FAM167A: variants seen among roughly 807,000 people sequenced by gnomAD.
The protein encoded by FAM167A is family with sequence similarity 167 member A, also known as protein FAM167A.
In FAM167A, 23 loss-of-function variants were observed where a neutral mutation model predicts 14.9. The observed-to-expected ratio is 1.55, with a 90% CI of 1.11 to 2.19. FAM167A has a LOEUF of 2.19. FAM167A is among the 30% of genes most tolerant of loss of function. The pLI is 0.00. For synonymous variants in FAM167A, 174 were observed against 117.7 expected, an observed-to-expected ratio of 1.48 and a Z score of -3.10; for missense variants, 401 against 281.5, an observed-to-expected ratio of 1.42 and a Z score of -3.04.
rs1481123732 is a variant in FAM167A at position 11,422,309 on chromosome 8, G to C, written c.*2064C>G. On this transcript the variant is annotated 3_prime_UTR_variant, in exon 3 of 3. Coordinates refer to ENST00000284486, the MANE Select transcript of FAM167A (RefSeq NM_053279.3). ...TTGGCATTTTTTCAGAATATGGGAT[G>C]GGCTTTCCTGCATGGGTTCAAGGAT... 6.5e-6 allele frequency: 1 copy of C among 152,860 alleles called. No homozygotes were observed. The highest frequency in any genetic ancestry group is 1.5e-5 in the Non-Finnish European group (1 of 68,294). The allele number at this position is 152,860 out of a possible 1,614,324, so 9.5% of individuals were successfully genotyped here. A position where few individuals can be genotyped will look rare whatever the true frequency, so the allele number is the denominator to read the frequency against.
At chr8:11,449,255 C>G (rs2409774) in intron 1 of FAM167A, among the ~76,000 whole-genome samples, 77,514 of 152,160 alleles carry the variant, frequency 0.51, 20,437 homozygotes, top group East Asian at 0.66. Flanking sequence ...CACAGGAGCT[C>G]AGCTGGAATG....
At chr8:11,448,565 C>G (rs1271403931) in intron 1 of FAM167A, among the ~76,000 whole-genome samples, 2 of 152,222 alleles carry the variant, frequency 1.3e-5, no homozygotes, top group South Asian at 2.1e-4. Flanking sequence ...ATCCCTGCCC[C>G]CTCACATCCT....
rs548491578 is a variant in FAM167A at position 11,436,260 on chromosome 8, C to A, written c.381+7771G>T. On this transcript the variant is annotated intron_variant, in intron 2 of 2. Transcript: ENST00000284486. Reference sequence around the variant, plus strand: ...CCCTCCCACTCAGGGGTGTCCTTAGCTTGCACATGAGGAGGGCCAGGCCCG... The same window carrying A: ...CCCTCCCACTCAGGGGTGTCCTTAGATTGCACATGAGGAGGGCCAGGCCCG... Among the ~76,000 whole-genome samples, 8 of 152,310 alleles carry A rather than the reference C, an allele frequency of 5.3e-5. No individual in the cohort carries two copies. The South Asian group carries it at 1.7e-3, about 32-fold the overall frequency.
In FAM167A at chr8:11,423,412, T is replaced by C. The variant is rs1426694073; in HGVS notation, c.*961A>G. On this transcript the variant is annotated 3_prime_UTR_variant, in exon 3 of 3. Transcript: ENST00000284486. The stretch of plus-strand genomic sequence containing the variant: ...GTAACAGTCTTATTAAAACTAGTTG[T>C]TTAGGTCAGGCACAAAATCTCAGAG... The C allele has an allele frequency of 2.0e-5, 3 of 152,590 alleles. No homozygotes were observed. The highest frequency in any genetic ancestry group is 4.4e-5 in the Non-Finnish European group (3 of 68,056). The allele number at this position is 152,590 out of a possible 1,614,324, so 9.5% of individuals were successfully genotyped here.
At chr8:11,441,900 G>C (rs556075139) in intron 2 of FAM167A, among the ~76,000 whole-genome samples, 1 of 152,304 alleles carries the variant, frequency 6.6e-6, no homozygotes, top group East Asian at 1.9e-4. Flanking sequence ...GGAAAAGCAG[G>C]GGTACCAGGA....
At chr8:11,463,875 C>A (rs1807640479) in intron 1 of FAM167A, among the ~76,000 whole-genome samples, 1 of 151,830 alleles carries the variant, frequency 6.6e-6, no homozygotes. Context: ...GTGAAGAGAG[C>A]TTTGTGGTGG....
rs951175697 is a variant in FAM167A at position 11,444,598 on chromosome 8, C to T, written c.-187G>A. 92 of 1,405,526 alleles carry T rather than the reference C, an allele frequency of 6.5e-5. No individual in the cohort carries two copies. The highest frequency in any genetic ancestry group is 5.7e-5 in the Non-Finnish European group (62 of 1,086,788). The allele number at this position is 1,405,526 out of a possible 1,614,324, so 87.1% of individuals were successfully genotyped here. ...CTGAGAGGGACCGCGCAGTGAGCCG[C>T]ACAGGGCGCCCTCCTGGAGGCTCGG... On this transcript the variant is annotated 5_prime_UTR_variant, in exon 2 of 3. Coordinates refer to ENST00000284486, the MANE Select transcript of FAM167A (RefSeq NM_053279.3).
chr8:11,441,759 CTTG>C (rs776243712), intron 2 of FAM167A, among the ~76,000 whole-genome samples: 1 of 152,182 alleles, frequency 6.6e-6, no homozygotes, highest in African/African-American at 2.4e-5. Flanking sequence ...ATCATGTAGT[CTTG>C]TTGTAAGAAT....
chr8:11,434,963 C>T (rs1017850708), intron 2 of FAM167A: 3 of 449,980 alleles, frequency 6.7e-6, no homozygotes, highest in Non-Finnish European at 1.3e-5. Flanking sequence ...ATCACTGGCA[C>T]CCACCCCTGC....
At chr8:11,426,292 G>C (rs1027610842) in intron 2 of FAM167A, among the ~76,000 whole-genome samples, 1 of 152,148 alleles carries the variant, frequency 6.6e-6, no homozygotes, top group Non-Finnish European at 1.5e-5. Context: ...GTCTTTGCTT[G>C]TAACTCCTGT....
chr8:11,469,715 G>A (rs1444128701), upstream of FAM167A, among the ~76,000 whole-genome samples: 1 of 149,988 alleles, frequency 6.7e-6, no homozygotes, highest in Non-Finnish European at 1.5e-5. Flanking sequence ...AAAAAAAAAT[G>A]AAGAAGAAGA....
Position 11,424,423 on chromosome 8 carries a change from T to A in FAM167A, c.595A>T (p.Ile199Phe). The change falls in exon 3 of 3, where the codon ATT becomes TTT. Residue 199 changes from isoleucine (I) to phenylalanine (F), a missense_variant. By Grantham distance (21) the Ile-to-Phe change is conservative (BLOSUM62 0). Transcript: ENST00000284486. ...TTGATGTTCATCTTGGTCACGCCAA[T>A]AAGCTTGAGTGGTGTGGAGAGGCTG... ...SFSLSTPLKL[I>F]GVTKMNINSR... is the part of the protein sequence containing the mutation. 1 of 1,613,686 alleles carries A rather than the reference T, an allele frequency of 6.2e-7. No individual in the cohort carries two copies. Among genetic ancestry groups the A allele is most frequent in the Non-Finnish European group, 8.5e-7 (1 of 1,179,914 alleles).
At chr8:11,455,602 C>G (rs1807216270) in intron 1 of FAM167A, among the ~76,000 whole-genome samples, 1 of 113,540 alleles carries the variant, frequency 8.8e-6, no homozygotes, top group East Asian at 3.3e-4. Flanking sequence ...GTTGCCTCAC[C>G]TGAGTGTGAG....
chr8:11,424,210 G>C lies in FAM167A; in HGVS notation c.*163C>G. ...ACTGGCATCCACACCCAGGGCCCCT[G>C]GGTGGGAGAGCACCACTGAATAGGT... is the stretch of plus-strand genomic sequence containing the variant. On this transcript the variant is annotated 3_prime_UTR_variant, in exon 3 of 3. Transcript: ENST00000284486. 1.2e-6 allele frequency: 1 copy of C among 816,322 alleles called. No individual in the cohort carries two copies. The highest frequency in any genetic ancestry group is 1.8e-5 in the South Asian group (1 of 54,908). 50.6% of individuals were successfully genotyped at this position (816,322 alleles called of 1,614,324 possible).
intron 2 of FAM167A, among the ~76,000 whole-genome samples, chr8:11,425,398 C>T (rs76275473): frequency 6.6e-6 from 1 of 152,084 alleles, no homozygotes; most frequent in Non-Finnish European, 1.5e-5. Context: ...CAGCTGGACT[C>T]CAGAACCAAA....
chr8:11,426,593 G>A (rs1036533939), intron 2 of FAM167A, among the ~76,000 whole-genome samples: 6 of 152,068 alleles, frequency 3.9e-5, no homozygotes, highest in African/African-American at 1.2e-4. Context: ...ACACCTGGGA[G>A]GCAGGTCTAT....
chr8:11,443,998 C>CT lies in FAM167A; in HGVS notation c.381+32dup, dbSNP rs777184842. 43 of 1,584,742 alleles carry CT rather than the reference C, an allele frequency of 2.7e-5. No homozygotes were observed. In the African/African-American group the frequency reaches 3.8e-4, roughly 14 times the overall value. On this transcript the variant is annotated intron_variant, in intron 2 of 2. Coordinates refer to ENST00000284486, the MANE Select transcript of FAM167A (RefSeq NM_053279.3). ...ACACAGAGAGACGGTGGCATCTCCT[C>CT]TTTTCTGGGGATTCTTGGGGGCAGC...
At chr8:11,426,898 C>T (rs868285686) in intron 2 of FAM167A, among the ~76,000 whole-genome samples, 2 of 152,160 alleles carry the variant, frequency 1.3e-5, no homozygotes, top group South Asian at 2.1e-4. Context: ...GGTATGCATT[C>T]GTCTCAGGCG....
chr8:11,453,367 C>G (rs1404833696), intron 1 of FAM167A, among the ~76,000 whole-genome samples: 2 of 152,222 alleles, frequency 1.3e-5, no homozygotes, highest in African/African-American at 4.8e-5. Context: ...CACTGTCAAG[C>G]TGCTAATATG....
Sources: allele counts gnomAD v4.1 joint callset (sites outside exome capture counted in the v4.1 genomes callset), GRCh38; gene constraint gnomAD v4.1.1; transcripts MANE v1.5; gene names NCBI Gene and HGNC (gene_info 2026-07-23, HGNC 2026-07-21).